CSMD1: variants seen among roughly 807,000 people sequenced by gnomAD.
CSMD1 encodes CUB and sushi domain-containing protein 1.
A neutral mutation model predicts 417.5 loss-of-function variants in CSMD1; 213 were observed. That is an observed-to-expected ratio of 0.51 (90% CI 0.46 to 0.57). The LOEUF (loss-of-function observed/expected upper bound fraction) is 0.57. Ranked by LOEUF, CSMD1 falls within the 20% of genes least tolerant of loss-of-function variation. The pLI, the probability that CSMD1 is intolerant of heterozygous loss-of-function variation, is 0.00. For synonymous variants in CSMD1, 2,862 were observed against 1,736.8 expected, an observed-to-expected ratio of 1.65 and a Z score of -16.11; for missense variants, 6,923 against 4,529.7, an observed-to-expected ratio of 1.53 and a Z score of -15.17.
chr8:4,230,379 C>G (rs1431543204), intron 3 of CSMD1, among the ~76,000 whole-genome samples: 3 of 152,168 alleles, frequency 2.0e-5, no homozygotes, highest in Non-Finnish European at 2.9e-5. Context: ...TACCTGAGGT[C>G]AGACAACTAA....
chr8:3,199,645 A>C, intron 33 of CSMD1, 69 bp downstream of exon 33: 1 of 972,976 alleles, frequency 1.0e-6, no homozygotes, highest in African/African-American at 1.6e-5. Flanking sequence ...GCTTTGTCTG[A>C]GACTAGCCGT....
At chr8:3,660,623 C>T (rs531915974) in intron 7 of CSMD1, among the ~76,000 whole-genome samples, 2 of 150,208 alleles carry the variant, frequency 1.3e-5, no homozygotes, top group Admixed American at 6.6e-5. Context: ...CAGGTTCAAG[C>T]GATTCTCCTA....
intron 10 of CSMD1, among the ~76,000 whole-genome samples, chr8:3,565,611 T>C (rs1045412161): frequency 6.6e-6 from 1 of 152,186 alleles, no homozygotes; most frequent in Admixed American, 6.5e-5. Flanking sequence ...TTAATTCAAG[T>C]TCTTTAAAAA....
rs949982634 is a variant in CSMD1, at chr8:3,932,556, T to A, written c.818+65347A>T. ...ATCAAGCCCCACAATTAAAGTTCAA[T>A]GCATTGCAGTCTAATTAGTACTGTG... On this transcript the variant is annotated intron_variant, in intron 5 of 69. Transcript: ENST00000635120. Among the ~76,000 whole-genome samples, 3 of 150,680 alleles carry A rather than the reference T, an allele frequency of 2.0e-5. 1 individual carries two copies. Among genetic ancestry groups the A allele is most frequent in the African/African-American group, 7.3e-5 (3 of 40,840 alleles).
rs183769481 is a variant in CSMD1, at chr8:4,459,644, G to A, written c.303-39579C>T. 1.2e-4 allele frequency among the ~76,000 whole-genome samples: 19 copies of A among 152,288 alleles called. No homozygotes were observed. The East Asian group carries it at 3.5e-3, about 28-fold the overall frequency. Reference sequence around the variant, plus strand: ...ATTGTGGGTTAGAACAAACCTCAAAGCCTGGCCTCAAAAATATCTCCTGCA... The same window carrying A: ...ATTGTGGGTTAGAACAAACCTCAAAACCTGGCCTCAAAAATATCTCCTGCA... On this transcript the variant is annotated intron_variant, in intron 2 of 69. Coordinates refer to ENST00000635120, the MANE Select transcript of CSMD1 (RefSeq NM_033225.6).
At chr8:4,313,781 C>T (rs997795071) in intron 3 of CSMD1, among the ~76,000 whole-genome samples, 7 of 152,012 alleles carry the variant, frequency 4.6e-5, no homozygotes, top group African/African-American at 1.4e-4. Context: ...TTTGGGAGGC[C>T]AAGGCAGGCG....
At chr8:4,158,965 G>C (rs965019906) in intron 3 of CSMD1, among the ~76,000 whole-genome samples, 3 of 151,946 alleles carry the variant, frequency 2.0e-5, no homozygotes, top group African/African-American at 7.3e-5. Flanking sequence ...GCCCAGGTTG[G>C]AGTGCAGTGG....
intron 2 of CSMD1, among the ~76,000 whole-genome samples, chr8:4,448,416 C>G (rs1798943580): frequency 6.6e-6 from 1 of 152,136 alleles, no homozygotes; most frequent in African/African-American, 2.4e-5. Flanking sequence ...CCTGTGTGCC[C>G]TGATGCAGAT....
intron 49 of CSMD1, among the ~76,000 whole-genome samples, chr8:3,066,489 G>A (rs1812944736): frequency 6.6e-6 from 1 of 152,136 alleles, no homozygotes. Context: ...CAGGTAAAAT[G>A]AACTGACGAC....
intron 1 of CSMD1, among the ~76,000 whole-genome samples, chr8:4,942,698 T>C (rs947794455): frequency 6.6e-6 from 1 of 152,210 alleles, no homozygotes; most frequent in African/African-American, 2.4e-5. Flanking sequence ...ATAGGCAGTT[T>C]GGCAGACACA....
At chr8:3,713,856 T>A (rs1026597229) in intron 6 of CSMD1, among the ~76,000 whole-genome samples, 2 of 152,156 alleles carry the variant, frequency 1.3e-5, no homozygotes, top group Admixed American at 6.6e-5. Context: ...AAAATATAAA[T>A]CTTGTGTCTT....
chr8:4,080,695 G>C (rs1244504086), intron 3 of CSMD1, among the ~76,000 whole-genome samples: 2 of 152,174 alleles, frequency 1.3e-5, no homozygotes, highest in East Asian at 1.9e-4. Flanking sequence ...TATTTCTTCA[G>C]TGAAGACTAT....
intron 40 of CSMD1, among the ~76,000 whole-genome samples, chr8:3,149,293 C>T (rs950487653): frequency 2.0e-5 from 3 of 151,854 alleles, no homozygotes; most frequent in African/African-American, 4.8e-5. Context: ...ATATTTATAC[C>T]AATTTTATTT....
intron 1 of CSMD1, among the ~76,000 whole-genome samples, chr8:4,861,507 G>C (rs1255270933): frequency 1.3e-5 from 2 of 152,078 alleles, no homozygotes; most frequent in African/African-American, 4.8e-5. Context: ...CTGCGATTTA[G>C]TGTCAAGTGA....
intron 3 of CSMD1, among the ~76,000 whole-genome samples, chr8:4,350,443 T>A (rs904850250): frequency 3.3e-5 from 5 of 152,202 alleles, no homozygotes; most frequent in East Asian, 3.8e-4. Flanking sequence ...CAACCTTGAT[T>A]CACCAAACCA....
At chr8:3,771,030 C>G (rs62479700) in intron 5 of CSMD1, among the ~76,000 whole-genome samples, 96,225 of 151,278 alleles carry the variant, frequency 0.64, 30,882 homozygotes, top group East Asian at 0.73. Context: ...GTGTGTGTGT[C>G]TGCGTGCGTG....
At chr8:3,180,061 T>C (rs1000729519) in intron 37 of CSMD1, among the ~76,000 whole-genome samples, 2 of 152,250 alleles carry the variant, frequency 1.3e-5, no homozygotes, top group Non-Finnish European at 1.5e-5. Flanking sequence ...AGCTTATCCA[T>C]GTATTTGCTT....
intron 2 of CSMD1, among the ~76,000 whole-genome samples, chr8:4,467,299 G>A (rs1800240664): frequency 6.6e-6 from 1 of 152,132 alleles, no homozygotes; most frequent in Non-Finnish European, 1.5e-5. Context: ...GGCAAGGAAA[G>A]GAGGAGTCAC....
At chr8:3,712,201 G>A (rs1024920049) in intron 6 of CSMD1, among the ~76,000 whole-genome samples, 4 of 152,134 alleles carry the variant, frequency 2.6e-5, no homozygotes, top group African/African-American at 4.8e-5. Flanking sequence ...TCTTGGCAAC[G>A]TTGTACAAAA....
Sources: allele counts gnomAD v4.1 joint callset (sites outside exome capture counted in the v4.1 genomes callset), GRCh38; gene constraint gnomAD v4.1.1; transcripts MANE v1.5; gene names NCBI Gene and HGNC (gene_info 2026-07-23, HGNC 2026-07-21).